SMIM35: variants seen among roughly 807,000 people sequenced by gnomAD.
SMIM35 encodes the protein TMPRSS4 antisense RNA 1 (non-protein coding).
chr11:118,030,040 C>CT (rs112285800), intron 1 of SMIM35, among the ~76,000 whole-genome samples: 1,883 of 146,844 alleles, frequency 0.013, 42 homozygotes, highest in African/African-American at 0.041. Flanking sequence ...GGGGATATAA[C>CT]TTTTTTTTTT....
At chr11:118,012,115 T>C (rs1191887758) in intron 4 of SMIM35, among the ~76,000 whole-genome samples, 1 of 152,214 alleles carries the variant, frequency 6.6e-6, no homozygotes, top group African/African-American at 2.4e-5. Context: ...CTCCTCCCAC[T>C]TGCTCTATTG....
Position 118,015,868 on chromosome 11 carries a change from C to G in SMIM35, c.8-59G>C, listed in dbSNP as rs2058178204. The G allele has an allele frequency of 7.5e-6, 3 of 399,344 alleles. No homozygotes were observed. The Admixed American group carries it at 1.3e-4, about 18-fold the overall frequency. The allele number at this position is 399,344 out of a possible 1,614,324, so 24.7% of individuals were successfully genotyped here. On this transcript the variant is annotated intron_variant, in intron 1 of 4. Coordinates refer to ENST00000689828, the MANE Select transcript of SMIM35 (RefSeq NM_001394165.1). ...GCCCCCTGCATCAACCCACCTGCAC[C>G]ACGTTCCAAAGTTCTCCTCCCTTCC...
chr11:118,053,797 T>G (rs1451109715), intron 1 of SMIM35, among the ~76,000 whole-genome samples: 1 of 152,288 alleles, frequency 6.6e-6, no homozygotes, highest in South Asian at 2.1e-4. Context: ...CCCCAGCCCC[T>G]GTTCCTCTGA....
At chr11:118,052,167 A>G (rs1410959764) in intron 1 of SMIM35, among the ~76,000 whole-genome samples, 1 of 152,162 alleles carries the variant, frequency 6.6e-6, no homozygotes, top group African/African-American at 2.4e-5. Context: ...CATAAACACC[A>G]TAGAAAAGGT....
intron 1 of SMIM35, among the ~76,000 whole-genome samples, chr11:118,055,297 C>T (rs964213752): frequency 2.6e-5 from 4 of 152,058 alleles, no homozygotes; most frequent in African/African-American, 7.2e-5. Context: ...CCAAGATATG[C>T]GGATTTTCTG....
intron 1 of SMIM35, among the ~76,000 whole-genome samples, chr11:118,055,362 C>T (rs1056318888): frequency 3.9e-5 from 6 of 152,154 alleles, no homozygotes; most frequent in Admixed American, 3.9e-4. Context: ...ATGCGCTATT[C>T]CTGGTTTCCT....
intron 1 of SMIM35, chr11:118,059,105 G>T (rs1944358897): frequency 6.6e-6 from 1 of 152,312 alleles, no homozygotes; most frequent in Non-Finnish European, 1.5e-5. Context: ...ACCAGGCACT[G>T]CCGGCACCTA....
chr11:118,043,277 C>T (rs1039923800), intron 1 of SMIM35, among the ~76,000 whole-genome samples: 8 of 81,982 alleles, frequency 9.8e-5, no homozygotes, highest in Non-Finnish European at 2.2e-4. Context: ...TTTGGTAAAA[C>T]ATTTTTTTTT....
Position 118,013,722 on chromosome 11 carries a change from C to T in SMIM35, c.*33+26G>A, listed in dbSNP as rs563616256. 2.1e-4 allele frequency: 83 copies of T among 398,810 alleles called. 2 individuals are homozygous for T. In the South Asian group the frequency reaches 4.6e-3, roughly 22 times the overall value. 24.7% of individuals were successfully genotyped at this position (398,810 alleles called of 1,614,324 possible). ...ACCTTACTTGGACATCAGGCTCACT[C>T]GGCAGCTCTCCCAACTCCAACTCAC... is the stretch of plus-strand genomic sequence containing the variant. On this transcript the variant is annotated intron_variant, in intron 4 of 4. Coordinates refer to ENST00000689828, the MANE Select transcript of SMIM35 (RefSeq NM_001394165.1).
chr11:118,030,617 CTGCTTAGCACGAGA>C (rs1282134938), intron 1 of SMIM35, among the ~76,000 whole-genome samples: 2 of 152,086 alleles, frequency 1.3e-5, no homozygotes, highest in Non-Finnish European at 2.9e-5. Flanking sequence ...TGGAGAAGGG[CTGCTTAGCACGAGA>C]TGCCTGATCC....
At chr11:118,066,128 A>G (rs1225588942) in intron 1 of SMIM35, among the ~76,000 whole-genome samples, 2 of 152,074 alleles carry the variant, frequency 1.3e-5, no homozygotes, top group African/African-American at 2.4e-5. Context: ...CAAACTGTTC[A>G]GTCCCAGACT....
chr11:118,030,182 G>A (rs942025343), intron 1 of SMIM35, among the ~76,000 whole-genome samples: 14 of 152,130 alleles, frequency 9.2e-5, no homozygotes, highest in Middle Eastern at 3.4e-3. Context: ...TTACAGGCAT[G>A]CATCACCACA....
chr11:118,079,454 G>A (rs942441018), intron 1 of SMIM35, among the ~76,000 whole-genome samples: 1 of 152,182 alleles, frequency 6.6e-6, no homozygotes, highest in Non-Finnish European at 1.5e-5. Flanking sequence ...CTCAGGCCCA[G>A]GCAGAGGTCA....
intron 1 of SMIM35, among the ~76,000 whole-genome samples, chr11:118,032,278 G>A (rs976708839): frequency 3.9e-5 from 6 of 152,186 alleles, no homozygotes; most frequent in South Asian, 4.1e-4. Context: ...GATGGGAGTA[G>A]TGTATTGTTA....
intron 1 of SMIM35, among the ~76,000 whole-genome samples, chr11:118,025,202 C>G (rs1190987029): frequency 6.6e-6 from 1 of 152,160 alleles, no homozygotes; most frequent in African/African-American, 2.4e-5. Context: ...TAAGTCTTTG[C>G]TGTTGTGAAT....
chr11:118,049,338 A>G (rs1398688499), intron 1 of SMIM35, among the ~76,000 whole-genome samples: 1 of 120,694 alleles, frequency 8.3e-6, no homozygotes, highest in Middle Eastern at 4.3e-3. Flanking sequence ...TTCCACCCTT[A>G]ATTTTTTTTT....
intron 1 of SMIM35, among the ~76,000 whole-genome samples, chr11:118,018,376 G>A (rs2058200646): frequency 6.6e-6 from 1 of 152,084 alleles, no homozygotes; most frequent in African/African-American, 2.4e-5. Flanking sequence ...TGGAGAAGGG[G>A]GACCAGTCAG....
At chr11:118,028,913 G>A in intron 1 of SMIM35, 1 of 423,320 alleles carries the variant, frequency 2.4e-6, no homozygotes. Flanking sequence ...GACAGGAGGA[G>A]GAGGAGGGGA....
intron 1 of SMIM35, among the ~76,000 whole-genome samples, chr11:118,061,819 A>G (rs909810752): frequency 6.6e-6 from 1 of 152,062 alleles, no homozygotes; most frequent in African/African-American, 2.4e-5. Flanking sequence ...TGTCCCCATT[A>G]TGAGTTGACT....
Sources: allele counts gnomAD v4.1 joint callset (sites outside exome capture counted in the v4.1 genomes callset), GRCh38; gene constraint gnomAD v4.1.1; transcripts MANE v1.5; gene names NCBI Gene and HGNC (gene_info 2026-07-23, HGNC 2026-07-21).